The following GRB14 variants were observed in gnomAD, a reference collection of about 807,000 sequenced individuals.
GRB14 encodes growth factor receptor bound protein 14.
GRB14 carries 38 observed loss-of-function variants against 69.1 expected under a neutral mutation model. That is an observed-to-expected ratio of 0.55 (90% CI 0.42 to 0.72). GRB14 has a LOEUF of 0.72. Ranked by LOEUF, GRB14 falls within the 30% of genes least tolerant of loss-of-function variation. The pLI, the probability that GRB14 is intolerant of heterozygous loss-of-function variation, is 0.00. For missense variants in GRB14, 666 were observed against 666.1 expected (o/e 1.00, Z 0.00); for synonymous variants, 247 against 241.3 (o/e 1.02, Z -0.22).
In GRB14 at chr2:164,574,090, C is replaced by T. The variant is rs530658636; in HGVS notation, c.325-26274G>A. On this transcript the variant is annotated intron_variant, in intron 2 of 13. Coordinates refer to ENST00000263915, the MANE Select transcript of GRB14 (RefSeq NM_004490.3). ...GTAAATTCAGAAACTCTGGTTTTAC[C>T]AGCTCATCATACTCTACTATGAATT... 1.8e-4 allele frequency: 151 copies of T among 831,188 alleles called. 3 individuals are homozygous for T. In the South Asian group the frequency reaches 2.1e-3, roughly 12 times the overall value. 51.5% of individuals were successfully genotyped at this position (831,188 alleles called of 1,614,324 possible).
intron 3 of GRB14, among the ~76,000 whole-genome samples, chr2:164,532,708 C>T (rs1365624189): frequency 2.6e-5 from 4 of 152,116 alleles, no homozygotes; most frequent in Non-Finnish European, 4.4e-5. Context: ...CCCTAAGGTT[C>T]TTGGAAAGAA....
At chr2:164,553,616 T>C (rs1311392840) in intron 2 of GRB14, among the ~76,000 whole-genome samples, 3 of 152,210 alleles carry the variant, frequency 2.0e-5, no homozygotes, top group Admixed American at 6.5e-5. Flanking sequence ...CCTTATACGA[T>C]GAATGGGATG....
At chr2:164,547,336 T>G in intron 3 of GRB14, among the ~76,000 whole-genome samples, 1 of 152,172 alleles carries the variant, frequency 6.6e-6, no homozygotes, top group Non-Finnish European at 1.5e-5. Context: ...CAGATATTTA[T>G]AAGATAAATT....
chr2:164,548,434 T>C (rs1187827291), intron 2 of GRB14, among the ~76,000 whole-genome samples: 1 of 152,144 alleles, frequency 6.6e-6, no homozygotes, highest in Admixed American at 6.6e-5. Flanking sequence ...TATGTATATA[T>C]GCTCCAATAT....
At chr2:164,602,881 T>C (rs1262055520) in intron 2 of GRB14, among the ~76,000 whole-genome samples, 1 of 152,138 alleles carries the variant, frequency 6.6e-6, no homozygotes, top group Admixed American at 6.5e-5. Context: ...TTCAAAGATA[T>C]GTTATTTGAA....
intron 2 of GRB14, among the ~76,000 whole-genome samples, chr2:164,580,256 C>A (rs954818089): frequency 6.6e-6 from 1 of 151,906 alleles, no homozygotes; most frequent in African/African-American, 2.4e-5. Context: ...CCACACCGGG[C>A]TAATTTTTGC....
At chr2:164,596,910 A>T (rs1191345738) in intron 2 of GRB14, among the ~76,000 whole-genome samples, 2 of 148,574 alleles carry the variant, frequency 1.3e-5, no homozygotes, top group Non-Finnish European at 3.0e-5. Context: ...AACCAGCTTT[A>T]AAAAAAAAAT....
chr2:164,576,801 A>C (rs1458673729), intron 2 of GRB14, among the ~76,000 whole-genome samples: 1 of 147,778 alleles, frequency 6.8e-6, no homozygotes, highest in Non-Finnish European at 1.5e-5. Context: ...AAACTAATAA[A>C]TATAAAAGTA....
chr2:164,613,196 G>A (rs1690206604), intron 2 of GRB14, among the ~76,000 whole-genome samples: 1 of 152,200 alleles, frequency 6.6e-6, no homozygotes, highest in Non-Finnish European at 1.5e-5. Flanking sequence ...GGTACGTTAA[G>A]TCAAATAAAC....
At chr2:164,499,143 C>T (rs970457322) in intron 9 of GRB14, among the ~76,000 whole-genome samples, 1 of 152,064 alleles carries the variant, frequency 6.6e-6, no homozygotes, top group Admixed American at 6.6e-5. Flanking sequence ...AATATCTCTC[C>T]GTTTACATGC....
chr2:164,497,310 T>C (rs746898960), intron 10 of GRB14, 27 bp from the exon 11 acceptor site: 13 of 1,610,388 alleles, frequency 8.1e-6, no homozygotes, highest in Non-Finnish European at 1.0e-5. Context: ...AAAACAAATC[T>C]CAAGTTTTTA....
chr2:164,530,895 G>A (rs1479466040), intron 3 of GRB14, among the ~76,000 whole-genome samples: 2 of 152,144 alleles, frequency 1.3e-5, no homozygotes, highest in African/African-American at 4.8e-5. Context: ...CTGTGGAGCA[G>A]AAAACTGATT....
At chr2:164,583,291 G>A (rs967850914) in intron 2 of GRB14, among the ~76,000 whole-genome samples, 1 of 151,782 alleles carries the variant, frequency 6.6e-6, no homozygotes, top group African/African-American at 2.4e-5. Flanking sequence ...GAAATATTCA[G>A]GTAGAAGAAA....
intron 2 of GRB14, among the ~76,000 whole-genome samples, chr2:164,595,065 T>C (rs992924542): frequency 2.0e-5 from 3 of 152,158 alleles, no homozygotes; most frequent in Non-Finnish European, 4.4e-5. Context: ...CAGCTCAGTA[T>C]CTGTATTTAG....
At chr2:164,556,458 A>G (rs1688679702) in intron 2 of GRB14, among the ~76,000 whole-genome samples, 1 of 152,202 alleles carries the variant, frequency 6.6e-6, no homozygotes, top group African/African-American at 2.4e-5. Flanking sequence ...TATCAGAATT[A>G]CAAGGATTGA....
intron 2 of GRB14, among the ~76,000 whole-genome samples, chr2:164,580,250 A>G (rs529614271): frequency 3.3e-5 from 5 of 152,032 alleles, no homozygotes; most frequent in African/African-American, 9.6e-5. Flanking sequence ...GCCCAACCAC[A>G]CCGGGCTAAT....
chr2:164,614,174 T>G (rs1159609178), intron 2 of GRB14, among the ~76,000 whole-genome samples: 1 of 152,240 alleles, frequency 6.6e-6, no homozygotes, highest in East Asian at 1.9e-4. Flanking sequence ...AAAATTATAT[T>G]CATCAAGTGA....
At chr2:164,574,831 C>T (rs1480296641) in intron 2 of GRB14, among the ~76,000 whole-genome samples, 3 of 151,658 alleles carry the variant, frequency 2.0e-5, no homozygotes, top group Non-Finnish European at 2.9e-5. Flanking sequence ...GTAGTTCCAT[C>T]TATTCAAGAG....
intron 8 of GRB14, among the ~76,000 whole-genome samples, chr2:164,505,786 A>T (rs972546027): frequency 6.6e-6 from 1 of 152,204 alleles, no homozygotes; most frequent in Non-Finnish European, 1.5e-5. Flanking sequence ...AAACTATCTG[A>T]ATAAATAAAA....
Sources: gnomAD v4.1 joint callset for allele counts (sites outside exome capture counted in the v4.1 genomes callset) on GRCh38, gnomAD v4.1.1 for gene constraint, MANE v1.5 for transcripts, NCBI Gene and HGNC (gene_info 2026-07-23, HGNC 2026-07-21) for gene names.